Variants in TGFB3 observed in about 807,000 individuals in gnomAD.
TGFB3 encodes the protein transforming growth factor beta 3, also known as transforming growth factor beta-3 proprotein.
A neutral mutation model predicts 40.1 loss-of-function variants in TGFB3; 5 were observed. That is an observed-to-expected ratio of 0.12 (90% confidence interval 0.07 to 0.26). The LOEUF is 0.26. TGFB3 is among the 10% of genes least tolerant of loss of function. The pLI, the probability that TGFB3 is intolerant of heterozygous loss-of-function variation, is 1.00. For synonymous variants in TGFB3, 184 were observed against 205.6 expected (o/e 0.89, Z 0.90); for missense variants, 373 against 530.1 (o/e 0.70, Z 2.91).
At chr14:75,960,846 T>G in intron 6 of TGFB3, 77 bp downstream of exon 6, 3 of 1,592,448 alleles carry the variant, frequency 1.9e-6, no homozygotes, top group Non-Finnish European at 2.6e-6. Flanking sequence ...CAACATTCAA[T>G]CCTTCACTCA....
At chr14:75,974,743 CA>C (rs2035332181) in intron 1 of TGFB3, among the ~76,000 whole-genome samples, 1 of 117,388 alleles carries the variant, frequency 8.5e-6, no homozygotes, top group Admixed American at 1.1e-4. Flanking sequence ...CCAGCCTGGG[CA>C]ACAGAGTGAG....
At chr14:75,960,856 A>G in intron 6 of TGFB3, 67 bp downstream of exon 6, 1 of 1,603,586 alleles carries the variant, frequency 6.2e-7, no homozygotes, top group East Asian at 2.2e-5. Context: ...TCCTTCACTC[A>G]TTCTTTTTAA....
intron 5 of TGFB3, among the ~76,000 whole-genome samples, chr14:75,961,568 G>A (rs528649485): frequency 3.9e-5 from 6 of 152,292 alleles, no homozygotes; most frequent in Admixed American, 6.5e-5. Context: ...TATTAGAACC[G>A]TGGTTCAACA....
At chr14:75,970,315 T>C (rs571137218) in intron 3 of TGFB3, among the ~76,000 whole-genome samples, 1 of 152,236 alleles carries the variant, frequency 6.6e-6, no homozygotes, top group African/African-American at 2.4e-5. Flanking sequence ...CCCAGCACTT[T>C]TGGAAGCCAA....
chr14:75,982,172 A>G (rs956244866), upstream of TGFB3, among the ~76,000 whole-genome samples: 3 of 152,142 alleles, frequency 2.0e-5, no homozygotes, highest in Admixed American at 1.3e-4. The surrounding 1 kb of genome is among the most constrained non-coding windows in gnomAD (Gnocchi z 4.0). Context: ...CTCTCGTTCG[A>G]CGTGGTAGCT....
chr14:75,963,052 C>G lies in TGFB3; in HGVS notation c.926+264G>C, dbSNP rs556703003. The stretch of plus-strand genomic sequence containing the variant: ...TCTCCAATCCAAACTATTTTAGCAA[C>G]ACTCCTCCTCACAGAGTTTTCCTCA... On this transcript the variant is annotated intron_variant, in intron 5 of 6. Coordinates refer to ENST00000238682, the MANE Select transcript of TGFB3 (RefSeq NM_003239.5). 47 of 570,606 alleles carry G rather than the reference C, an allele frequency of 8.2e-5. No homozygotes were observed. In the African/African-American group the frequency reaches 8.2e-4, roughly 10 times the overall value. 35.3% of individuals were successfully genotyped at this position (570,606 alleles called of 1,614,324 possible). A position where few individuals can be genotyped will look rare whatever the true frequency, so the allele number is the denominator to read the frequency against.
rs760559695 is a variant in TGFB3 at position 75,963,358 on chromosome 14, C to A, written c.884G>T (p.Gly295Val). ...PHRLDNPGQG[G>V]QRKKRALDTN... ...GTCCAAAGCCCGCTTCTTCCTCTGA[C>A]CCCCCTGGCCCGGGTTGTCGAGCCG... is the stretch of plus-strand genomic sequence containing the variant. Residue 295 changes from glycine (G) to valine (V), a missense_variant, in exon 5 of 7, where the codon GGT becomes GTT. Gly to Val is a moderately radical substitution (Grantham distance 109). Coordinates refer to ENST00000238682, the MANE Select transcript of TGFB3 (RefSeq NM_003239.5). The A allele has an allele frequency of 5.0e-6, 8 of 1,614,160 alleles. No homozygotes were observed. The highest frequency in any genetic ancestry group is 6.8e-6 in the Non-Finnish European group (8 of 1,180,022).
chr14:75,972,436 G>A (rs2035304891), intron 1 of TGFB3, among the ~76,000 whole-genome samples: 1 of 152,176 alleles, frequency 6.6e-6, no homozygotes, highest in Admixed American at 6.5e-5. Context: ...ATAGGACAGA[G>A]TGCCCCGGAA....
chr14:75,961,874 T>A (rs1007404413), intron 5 of TGFB3, among the ~76,000 whole-genome samples: 1 of 152,140 alleles, frequency 6.6e-6, no homozygotes, highest in African/African-American at 2.4e-5. Flanking sequence ...CTGTCCTCCC[T>A]TGAGAGTAGC....
In TGFB3 at chr14:75,963,431, T is replaced by C; in HGVS notation, c.811A>G (p.Lys271Glu). 1 of 1,614,098 alleles carries C rather than the reference T, an allele frequency of 6.2e-7. No homozygotes were observed. Among genetic ancestry groups the C allele is most frequent in the Non-Finnish European group, 8.5e-7 (1 of 1,180,008 alleles). The change falls in exon 5 of 7, where the codon AAG (lysine) becomes GAG (glutamate). Residue 271 changes from lysine (K) to glutamate (E), a missense_variant. Coordinates refer to ENST00000238682, the MANE Select transcript of TGFB3 (RefSeq NM_003239.5). ...RGDLGRLKKQ[K>E]DHHNPHLILM... Reference sequence around the variant, plus strand: ...ATTAGATGAGGGTTGTGGTGATCCTTCTGCTTCTTGAGGCGCCCCAGATCT... The same window carrying C: ...ATTAGATGAGGGTTGTGGTGATCCTCCTGCTTCTTGAGGCGCCCCAGATCT...
chr14:75,967,164 T>A lies in TGFB3; in HGVS notation c.647-1469A>T. On this transcript the variant is annotated intron_variant, in intron 3 of 6. Coordinates refer to ENST00000238682, the MANE Select transcript of TGFB3 (RefSeq NM_003239.5). ...AAGCCTACAAGACTGGAGATTCCCA[T>A]CAACATTAGGTTGGCTTGGACATCC... Among the ~76,000 whole-genome samples, 2 of 152,172 alleles carry A rather than the reference T, an allele frequency of 1.3e-5. 1 individual carries two copies. Among genetic ancestry groups the A allele is most frequent in the African/African-American group, 4.8e-5 (2 of 41,438 alleles).
chr14:75,968,222 A>G (rs557381418), intron 3 of TGFB3, among the ~76,000 whole-genome samples: 17 of 152,332 alleles, frequency 1.1e-4, no homozygotes, highest in East Asian at 3.9e-4. Flanking sequence ...TACACCGCCA[A>G]CTGCTCCAAT....
chr14:75,960,715 G>A (rs1036604939), intron 6 of TGFB3: 25 of 646,754 alleles, frequency 3.9e-5, no homozygotes, highest in Non-Finnish European at 5.8e-5. Flanking sequence ...TAAAAAGCTG[G>A]TTGAAACTAT....
chr14:75,960,953 G>A lies in TGFB3; in HGVS notation c.1050C>T (p.Tyr350=), dbSNP rs1386754558. 6.8e-6 allele frequency: 11 copies of A among 1,614,240 alleles called. No homozygotes were observed. The highest frequency in any genetic ancestry group is 4.5e-5 in the East Asian group (2 of 44,892). Residue 350 remains tyrosine (Y), a synonymous_variant, in exon 6 of 7, where the codon TAC becomes TAT. Transcript: ENST00000238682. ...TGTGGGTTGTGTCTGCACTGCGGAGGTATGGGCAAGGGCCTGAGCAGAAGT... is the reference window on the plus strand; with the variant it reads ...TGTGGGTTGTGTCTGCACTGCGGAGATATGGGCAAGGGCCTGAGCAGAAGT... ...YANFCSGPCP[Y]LRSADTTHST...
In TGFB3 at chr14:75,963,679, A is replaced by G. The variant is rs572775925; in HGVS notation, c.755-192T>C. On this transcript the variant is annotated intron_variant, in intron 4 of 6. Coordinates refer to ENST00000238682, the MANE Select transcript of TGFB3 (RefSeq NM_003239.5). ...GGGAAGAGCAGATGGAGAAGCCAGTATCAAAAGAACTCATTATTATTGTAA... is the reference window on the plus strand; with the variant it reads ...GGGAAGAGCAGATGGAGAAGCCAGTGTCAAAAGAACTCATTATTATTGTAA... Among the ~76,000 whole-genome samples, 12 of 152,300 alleles carry G rather than the reference A, an allele frequency of 7.9e-5. No individual in the cohort carries two copies. In the East Asian group the frequency reaches 1.4e-3, roughly 17 times the overall value.
At chr14:75,973,924 G>A (rs989799518) in intron 1 of TGFB3, among the ~76,000 whole-genome samples, 2 of 152,130 alleles carry the variant, frequency 1.3e-5, no homozygotes, top group Admixed American at 6.5e-5. Context: ...GGCAGATCAC[G>A]ACATCAGGAG....
intron 1 of TGFB3, among the ~76,000 whole-genome samples, chr14:75,977,730 T>C (rs975825698): frequency 1.3e-5 from 2 of 151,098 alleles, no homozygotes; most frequent in Non-Finnish European, 2.9e-5. Context: ...GCCACCTGGG[T>C]TACTAAGATA....
chr14:75,970,282 G>T (rs1380757247), intron 3 of TGFB3, among the ~76,000 whole-genome samples: 3 of 152,112 alleles, frequency 2.0e-5, no homozygotes, highest in African/African-American at 7.2e-5. Flanking sequence ...AATTGGCTGG[G>T]CATGCTGGCT....
intron 3 of TGFB3, chr14:75,966,647 C>A (rs893429121): frequency 2.6e-5 from 4 of 152,220 alleles, no homozygotes; most frequent in African/African-American, 9.7e-5. Flanking sequence ...CTGGAGGTGC[C>A]AGGGTTTGGT....
Sources: allele counts gnomAD v4.1 joint callset (sites outside exome capture counted in the v4.1 genomes callset), GRCh38; gene constraint gnomAD v4.1.1; non-coding constraint Gnocchi (gnomAD v3.1); transcripts MANE v1.5; gene names NCBI Gene and HGNC (gene_info 2026-07-23, HGNC 2026-07-21).